The following RIMS1 variants were observed in gnomAD, a reference collection of about 807,000 sequenced individuals.
The protein encoded by RIMS1 is regulating synaptic membrane exocytosis 1.
In RIMS1, 83 loss-of-function variants were observed where a neutral mutation model predicts 214.1. The observed-to-expected ratio is 0.39, with a 90% confidence interval of 0.32 to 0.47. RIMS1 has a LOEUF of 0.47. Ranked by LOEUF, RIMS1 falls within the 20% of genes least tolerant of loss-of-function variation. The probability of loss-of-function intolerance (pLI) is 0.99; values close to 1 mark genes in which losing one functional copy is unlikely to be tolerated. For missense variants in RIMS1, 2,050 were observed against 2,161.8 expected, an observed-to-expected ratio of 0.95 and a Z score of 1.03; for synonymous variants, 793 against 786.8, an observed-to-expected ratio of 1.01 and a Z score of -0.13.
At chr6:72,097,615 G>C (rs550118417) in intron 3 of RIMS1, among the ~76,000 whole-genome samples, 1 of 152,292 alleles carries the variant, frequency 6.6e-6, no homozygotes, top group South Asian at 2.1e-4. Flanking sequence ...CTCTATGAGA[G>C]TAAATTCAGA....
In RIMS1 at chr6:72,354,090, C is replaced by T. The variant is rs553195843; in HGVS notation, c.4366+20255C>T. Among the ~76,000 whole-genome samples, 17 of 152,150 alleles carry T rather than the reference C, an allele frequency of 1.1e-4. No homozygotes were observed. In the East Asian group the frequency reaches 2.7e-3, roughly 24 times the overall value. ...CAAAAATTAGCCGGGCGTGGTGGCA[C>T]GTGCCTGCAATCCCAGCTACTAGGG... On this transcript the variant is annotated intron_variant, in intron 29 of 33. Coordinates refer to ENST00000521978, the MANE Select transcript of RIMS1 (RefSeq NM_014989.7).
chr6:72,367,941 A>G (rs142389210), intron 29 of RIMS1, among the ~76,000 whole-genome samples: 1 of 152,088 alleles, frequency 6.6e-6, no homozygotes, highest in African/African-American at 2.4e-5. Flanking sequence ...ATTAATTCCT[A>G]ATTTCAATTT....
At chr6:72,091,395 C>T (rs1836197515) in intron 2 of RIMS1, among the ~76,000 whole-genome samples, 1 of 152,124 alleles carries the variant, frequency 6.6e-6, no homozygotes, top group Admixed American at 6.6e-5. Flanking sequence ...AATTTCTGCA[C>T]TAATTAGAAG....
At chr6:72,228,609 G>C (rs964927195) in intron 6 of RIMS1, among the ~76,000 whole-genome samples, 1 of 151,844 alleles carries the variant, frequency 6.6e-6, no homozygotes, top group Non-Finnish European at 1.5e-5. Flanking sequence ...ATAGTGAATA[G>C]TGCTGCAGTG....
intron 6 of RIMS1, among the ~76,000 whole-genome samples, chr6:72,194,000 T>G (rs1042574398): frequency 5.3e-5 from 8 of 152,098 alleles, no homozygotes; most frequent in Non-Finnish European, 1.0e-4. Context: ...ATCTAACACT[T>G]TGTGGAAGAT....
chr6:72,150,884 T>A (rs1192601686), intron 4 of RIMS1, among the ~76,000 whole-genome samples: 1 of 152,208 alleles, frequency 6.6e-6, no homozygotes, highest in African/African-American at 2.4e-5. Context: ...GATGTCTTTT[T>A]CTGCTTTTTA....
chr6:72,209,624 G>A (rs1035276546), intron 6 of RIMS1, among the ~76,000 whole-genome samples: 1 of 152,224 alleles, frequency 6.6e-6, no homozygotes, highest in South Asian at 2.1e-4. Context: ...AACACAGGCC[G>A]GGCACGGTGG....
At chr6:72,278,667 T>G (rs779709663) in intron 23 of RIMS1, among the ~76,000 whole-genome samples, 7 of 152,076 alleles carry the variant, frequency 4.6e-5, no homozygotes, top group Non-Finnish European at 8.8e-5. Flanking sequence ...TACTCTTTCT[T>G]TGAATGAACA....
chr6:71,950,025 A>G (rs1788970981), intron 1 of RIMS1, among the ~76,000 whole-genome samples: 2 of 152,222 alleles, frequency 1.3e-5, no homozygotes, highest in African/African-American at 4.8e-5. Flanking sequence ...AGCACTACTC[A>G]CAAAGAAAAA....
intron 2 of RIMS1, among the ~76,000 whole-genome samples, chr6:72,053,232 A>C (rs1000354610): frequency 6.6e-6 from 1 of 152,164 alleles, no homozygotes; most frequent in Non-Finnish European, 1.5e-5. Flanking sequence ...CCCATGGCTC[A>C]TACATACATT....
chr6:72,074,269 G>A (rs569403943), intron 2 of RIMS1, among the ~76,000 whole-genome samples: 2 of 152,258 alleles, frequency 1.3e-5, no homozygotes, highest in Admixed American at 1.3e-4. Context: ...GTGTTACATA[G>A]CTGGTATTCA....
chr6:71,947,024 G>A (rs866517105), intron 1 of RIMS1, among the ~76,000 whole-genome samples: 8 of 151,992 alleles, frequency 5.3e-5, no homozygotes, highest in African/African-American at 1.7e-4. Context: ...ACTGGCCATC[G>A]GATATGTGAA....
At chr6:71,892,340 T>A (rs1429079087) in intron 1 of RIMS1, among the ~76,000 whole-genome samples, 1 of 152,230 alleles carries the variant, frequency 6.6e-6, no homozygotes, top group African/African-American at 2.4e-5. Flanking sequence ...GAGTATTTAT[T>A]AGTTTTCCAA....
chr6:72,301,925 T>G (rs2094649099), intron 26 of RIMS1, among the ~76,000 whole-genome samples: 1 of 151,574 alleles, frequency 6.6e-6, no homozygotes, highest in African/African-American at 2.4e-5. Flanking sequence ...ATACCTATAG[T>G]CAATTGGAAA....
chr6:72,303,751 T>C (rs2094873396), intron 26 of RIMS1, among the ~76,000 whole-genome samples: 1 of 151,564 alleles, frequency 6.6e-6, no homozygotes, highest in Non-Finnish European at 1.5e-5. Context: ...TCTTGTTCAA[T>C]AAATACATTT....
intron 2 of RIMS1, among the ~76,000 whole-genome samples, chr6:71,980,912 TTAA>T (rs1798323991): frequency 6.6e-6 from 1 of 151,502 alleles, no homozygotes; most frequent in Admixed American, 6.6e-5. Context: ...CAAAGGAGAG[TTAA>T]TAAAAAATAA....
chr6:72,064,331 A>G (rs996556676), intron 2 of RIMS1, among the ~76,000 whole-genome samples: 6 of 136,974 alleles, frequency 4.4e-5, no homozygotes, highest in Non-Finnish European at 8.2e-5. Flanking sequence ...GAAAGAAAGA[A>G]AGAGAGAGAG....
At chr6:71,915,599 G>A (rs1237318427) in intron 1 of RIMS1, among the ~76,000 whole-genome samples, 7 of 152,108 alleles carry the variant, frequency 4.6e-5, no homozygotes, top group Non-Finnish European at 1.0e-4. Context: ...GCAGAGCTTA[G>A]GCAAGTCACT....
intron 29 of RIMS1, among the ~76,000 whole-genome samples, chr6:72,377,551 C>A (rs1452415798): frequency 1.3e-5 from 2 of 152,070 alleles, no homozygotes; most frequent in Non-Finnish European, 2.9e-5. Flanking sequence ...CAGAGCAAGA[C>A]CCTTGAAAGC....
Sources: gnomAD v4.1 joint callset for allele counts (sites outside exome capture counted in the v4.1 genomes callset) on GRCh38, gnomAD v4.1.1 for gene constraint, MANE v1.5 for transcripts, NCBI Gene and HGNC (gene_info 2026-07-23, HGNC 2026-07-21) for gene names.